HSD11B2: variants seen among roughly 807,000 people sequenced by gnomAD.
HSD11B2 encodes 11-beta-hydroxysteroid dehydrogenase type 2.
Under a neutral mutation model 20.9 loss-of-function variants are expected in HSD11B2, and 17 were observed. That is an observed-to-expected ratio of 0.81 (90% confidence interval 0.56 to 1.22). HSD11B2 has a LOEUF of 1.22. HSD11B2 is among the 50% of genes most tolerant of loss of function. The pLI is 0.00. For synonymous variants in HSD11B2, 253 were observed against 255.4 expected, an observed-to-expected ratio of 0.99 and a Z score of 0.09; for missense variants, 480 against 563.6, an observed-to-expected ratio of 0.85 and a Z score of 1.50.
Position 67,434,887 on chromosome 16 carries a change from C to T in HSD11B2, c.266-741C>T, listed in dbSNP as rs188730238. Among the ~76,000 whole-genome samples, 14 of 152,132 alleles carry T rather than the reference C, an allele frequency of 9.2e-5. No homozygotes were observed. In the East Asian group the frequency reaches 2.5e-3, roughly 27 times the overall value. ...ACTAAAAATACAAAACTTAGCCAGG[C>T]CTGTGGTGATGCGCACCTGTAGTCT... On this transcript the variant is annotated intron_variant, in intron 1 of 4. Coordinates refer to ENST00000326152, the MANE Select transcript of HSD11B2 (RefSeq NM_000196.4).
In HSD11B2 at chr16:67,436,858, T is replaced by C; in HGVS notation, c.1073T>C (p.Leu358Pro). 1 of 1,613,622 alleles carries C rather than the reference T, an allele frequency of 6.2e-7. No individual in the cohort carries two copies. Among genetic ancestry groups the C allele is most frequent in the Non-Finnish European group, 8.5e-7 (1 of 1,180,016 alleles). Reference sequence around the variant, plus strand: ...ATCCACTACTACCTGCCTGAAGGCCTGCGGCGCCGCTTCCTGCAGGCCTTC... The same window carrying C: ...ATCCACTACTACCTGCCTGAAGGCCCGCGGCGCCGCTTCCTGCAGGCCTTC... ...YFIHYYLPEG[L>P]RRRFLQAFFI... Residue 358 changes from leucine (L) to proline (P), a missense_variant, in exon 5 of 5, where the codon CTG becomes CCG. By Grantham distance (98) the Leu-to-Pro change is moderately conservative (BLOSUM62 -3). Around this residue, in one of 2 missense-constraint regions of HSD11B2, gnomAD observed 374 missense variants for 480.9 expected, o/e 0.78. Transcript: ENST00000326152. The surrounding 1 kb of genome is among the most constrained non-coding windows in gnomAD (Gnocchi z 5.7).
intron 1 of HSD11B2, 27 bp downstream of exon 1, chr16:67,431,540 G>C: frequency 7.4e-7 from 1 of 1,346,824 alleles, no homozygotes; most frequent in South Asian, 1.8e-5. Flanking sequence ...CGGAGCGCGG[G>C]GACTCCAGGC....
chr16:67,431,414 G>A lies in HSD11B2; in HGVS notation c.166G>A (p.Ala56Thr). 1 of 1,285,156 alleles carries A rather than the reference G, an allele frequency of 7.8e-7. No homozygotes were observed. Among genetic ancestry groups the A allele is most frequent in the Admixed American group, 3.9e-5 (1 of 25,644 alleles). The allele number at this position is 1,285,156 out of a possible 1,614,324, so 79.6% of individuals were successfully genotyped here. A position where few individuals can be genotyped will look rare whatever the true frequency, so the allele number is the denominator to read the frequency against. Residue 56 changes from alanine to threonine, a missense_variant, in exon 1 of 5, where the codon GCC becomes ACC. By Grantham distance (58) the Ala-to-Thr change is moderately conservative. Coordinates refer to ENST00000326152, the MANE Select transcript of HSD11B2 (RefSeq NM_000196.4). ...WLCQRLLPPP[A>T]ALAVLAAAGW... ...GTGCCAGCGCCTGCTGCCCCCGCCGGCCGCACTCGCCGTGCTGGCCGCCGC... is the reference window on the plus strand; with the variant it reads ...GTGCCAGCGCCTGCTGCCCCCGCCGACCGCACTCGCCGTGCTGGCCGCCGC...
chr16:67,431,659 G>A (rs1211790369), intron 1 of HSD11B2, 146 bp downstream of exon 1: 2 of 897,722 alleles, frequency 2.2e-6, no homozygotes, highest in East Asian at 7.6e-5. Context: ...TGCAGGGAGC[G>A]AGCCAAATAG....
rs921812237 is a variant in HSD11B2, at chr16:67,436,154, C to A, written c.664+12C>A. ...GGGGAGCCCAGCGGGTGAGTGCCCCCCCCCACTGGAGCAAAAAGGAGCCCC... is the reference window on the plus strand; with the variant it reads ...GGGGAGCCCAGCGGGTGAGTGCCCCACCCCACTGGAGCAAAAAGGAGCCCC... On this transcript the variant is annotated intron_variant, in intron 3 of 4. Coordinates refer to ENST00000326152, the MANE Select transcript of HSD11B2 (RefSeq NM_000196.4). This position sits in a 1 kb window ranked among gnomAD's most constrained non-coding sequence, Gnocchi z 5.7. 1.9e-6 allele frequency: 3 copies of A among 1,613,626 alleles called. No individual in the cohort carries two copies. The highest frequency in any genetic ancestry group is 2.2e-5 in the South Asian group (2 of 91,078).
At position 67,436,109 on chromosome 16, in the gene HSD11B2, AG is replaced by A. The variant is rs1420634382; in HGVS notation, c.635del (p.Gly212AlafsTer4). The A allele has an allele frequency of 1.2e-6, 2 of 1,613,952 alleles. No homozygotes were observed. Among genetic ancestry groups the A allele is most frequent in the Non-Finnish European group, 1.7e-6 (2 of 1,179,972 alleles). On this transcript the variant is annotated frameshift_variant, in exon 3 of 5. Transcript: ENST00000326152. LOFTEE classifies it high-confidence loss of function. This position sits in a 1 kb window ranked among gnomAD's most constrained non-coding sequence, Gnocchi z 5.7. ...CCTCCTGCCCCTGCTGCGCAGCTCAAGGGGCCGCATCGTGACTGTGGGGAGC... is the reference window on the plus strand; with the variant it reads ...CCTCCTGCCCCTGCTGCGCAGCTCAAGGGCCGCATCGTGACTGTGGGGAGC... ...KGLLPLLRSS[R>X]GRIVTVGSPA... is the part of the protein sequence containing the mutation.
At chr16:67,432,285 G>A (rs1346588250) in intron 1 of HSD11B2, among the ~76,000 whole-genome samples, 11 of 151,226 alleles carry the variant, frequency 7.3e-5, no homozygotes, top group African/African-American at 2.5e-4. Flanking sequence ...GAGGCCCGCC[G>A]GAAGTGGGGA....
At position 67,436,178 on chromosome 16, in the gene HSD11B2, C is replaced by T. The variant is rs2040970287; in HGVS notation, c.664+36C>T. On this transcript the variant is annotated intron_variant, in intron 3 of 4. Transcript: ENST00000326152. This position sits in a 1 kb window ranked among gnomAD's most constrained non-coding sequence, Gnocchi z 5.7. ...CCCCCCACTGGAGCAAAAAGGAGCC[C>T]CCTGGGGTGGGGGAGGGCTTAGGGA... 6.2e-7 allele frequency: 1 copy of T among 1,613,654 alleles called. No homozygotes were observed. The highest frequency in any genetic ancestry group is 1.7e-5 in the Admixed American group (1 of 60,002).
At chr16:67,431,564 TG>T in intron 1 of HSD11B2, 51 bp downstream of exon 1, 2 of 1,298,998 alleles carry the variant, frequency 1.5e-6, no homozygotes, top group Non-Finnish European at 9.8e-7. Context: ...AGGGCGGGAC[TG>T]GACACTCAAC....
At chr16:67,435,441 C>T in intron 1 of HSD11B2, 187 bp from the exon 2 acceptor site, 1 of 681,350 alleles carries the variant, frequency 1.5e-6, no homozygotes, top group Non-Finnish European at 2.7e-6. Context: ...CACAGAGTTA[C>T]TGCCCAGGGC....
In HSD11B2 at chr16:67,437,368, A is replaced by AC; in HGVS notation, c.*370dup. 1 of 351,678 alleles carries AC rather than the reference A, an allele frequency of 2.8e-6. No individual in the cohort carries two copies. The highest frequency in any genetic ancestry group is 5.3e-6 in the Non-Finnish European group (1 of 189,550). 21.8% of individuals were successfully genotyped at this position (351,678 alleles called of 1,614,324 possible). A position where few individuals can be genotyped will look rare whatever the true frequency, so the allele number is the denominator to read the frequency against. On this transcript the variant is annotated 3_prime_UTR_variant, in exon 5 of 5. Transcript: ENST00000326152. ...TAAGGAGTGACTAGGTGGGTTGGGG[A>AC]CCCCCTCAGGATTGTTTCTCGGCAC...
In HSD11B2 at chr16:67,436,583, C is replaced by T; in HGVS notation, c.803-5C>T. ...CCCACTCTGACCTTGCCACTCCTTC[C>T]CCAGAGTCAGTGAGAAACGTGGGTC... On this transcript the variant is annotated splice_polypyrimidine_tract_variant and splice_region_variant and intron_variant, in intron 4 of 4. Transcript: ENST00000326152. This position sits in a 1 kb window ranked among gnomAD's most constrained non-coding sequence, Gnocchi z 5.7. The T allele has an allele frequency of 2.5e-6, 4 of 1,614,042 alleles. No homozygotes were observed. The South Asian group carries it at 3.3e-5, about 13-fold the overall frequency.
In HSD11B2 at chr16:67,436,064, G is replaced by A. The variant is rs560632514; in HGVS notation, c.586G>A (p.Ala196Thr). ...RSCMEVNFFGALELTKGLLPL... is the reference protein window; with the variant it reads ...RSCMEVNFFGTLELTKGLLPL... ...CTGCATGGAGGTGAATTTCTTTGGC[G>A]CGCTCGAGCTGACCAAGGGCCTCCT... Residue 196 changes from alanine to threonine, a missense_variant, in exon 3 of 5, where the codon GCG becomes ACG. Around this residue, in one of 2 missense-constraint regions of HSD11B2, gnomAD observed 374 missense variants for 480.9 expected, o/e 0.78. Coordinates refer to ENST00000326152, the MANE Select transcript of HSD11B2 (RefSeq NM_000196.4). The surrounding 1 kb of genome is among the most constrained non-coding windows in gnomAD (Gnocchi z 5.7). The A allele has an allele frequency of 2.7e-5, 43 of 1,614,090 alleles. No individual in the cohort carries two copies. Among genetic ancestry groups the A allele is most frequent in the Middle Eastern group, 1.6e-4 (1 of 6,084 alleles).
At chr16:67,434,937 G>A (rs1015941265) in intron 1 of HSD11B2, among the ~76,000 whole-genome samples, 1 of 151,874 alleles carries the variant, frequency 6.6e-6, no homozygotes, top group Non-Finnish European at 1.5e-5. Flanking sequence ...GCTGAGGCAG[G>A]AGAATCGCTT....
rs560593769 is a variant in HSD11B2, at chr16:67,436,517, G to A, written c.803-71G>A. ...GTAGTTTTGGCTGCAGACCTGGCGC[G>A]GGTTAAACAGTCCTAATTGGCTTTG... On this transcript the variant is annotated intron_variant, in intron 4 of 4. Transcript: ENST00000326152. The surrounding 1 kb of genome is among the most constrained non-coding windows in gnomAD (Gnocchi z 5.7). 1.6e-5 allele frequency: 25 copies of A among 1,587,712 alleles called. No individual in the cohort carries two copies. In the South Asian group the frequency reaches 1.7e-4, roughly 11 times the overall value.
At chr16:67,435,042 A>G (rs1382234564) in intron 1 of HSD11B2, among the ~76,000 whole-genome samples, 3 of 151,506 alleles carry the variant, frequency 2.0e-5, no homozygotes, top group Non-Finnish European at 4.4e-5. Context: ...CAAAAAAAAA[A>G]AAAAAGAAAA....
In HSD11B2 at chr16:67,436,406, G is replaced by A. The variant is rs1462844516; in HGVS notation, c.802+20G>A. The stretch of plus-strand genomic sequence containing the variant: ...AGACAGGTGGGAATCAGGGCTGGGG[G>A]TGGGGTGGGGGTGGGGAATGGGGCT... On this transcript the variant is annotated intron_variant, in intron 4 of 4. Transcript: ENST00000326152. The surrounding 1 kb of genome is among the most constrained non-coding windows in gnomAD (Gnocchi z 5.7). The A allele has an allele frequency of 1.3e-6, 2 of 1,557,608 alleles. No homozygotes were observed. Among genetic ancestry groups the A allele is most frequent in the East Asian group, 2.3e-5 (1 of 43,858 alleles).
In HSD11B2 at chr16:67,436,412, TG is replaced by T. The variant is rs780748476; in HGVS notation, c.802+31del. 1.6e-5 allele frequency: 2 copies of T among 124,034 alleles called. No homozygotes were observed. The highest frequency in any genetic ancestry group is 1.8e-4 in the Admixed American group (1 of 5,540). The allele number at this position is 124,034 out of a possible 1,614,324, so 7.7% of individuals were successfully genotyped here. On this transcript the variant is annotated intron_variant, in intron 4 of 4. Coordinates refer to ENST00000326152, the MANE Select transcript of HSD11B2 (RefSeq NM_000196.4). The surrounding 1 kb of genome is among the most constrained non-coding windows in gnomAD (Gnocchi z 5.7). Reference sequence around the variant, plus strand: ...GTGGGAATCAGGGCTGGGGGTGGGGTGGGGGTGGGGAATGGGGCTGGGAATG... The same window carrying T: ...GTGGGAATCAGGGCTGGGGGTGGGGTGGGGTGGGGAATGGGGCTGGGAATG...
At chr16:67,434,794 C>T (rs1384865474) in intron 1 of HSD11B2, among the ~76,000 whole-genome samples, 1 of 152,036 alleles carries the variant, frequency 6.6e-6, no homozygotes, top group Non-Finnish European at 1.5e-5. Context: ...TTTGGGAGGC[C>T]GAGGCAGGCA....
Sources: allele counts gnomAD v4.1 joint callset (sites outside exome capture counted in the v4.1 genomes callset), GRCh38; gene constraint gnomAD v4.1.1; regional missense constraint gnomAD v4.1.1; non-coding constraint Gnocchi (gnomAD v3.1); transcripts MANE v1.5; gene names NCBI Gene and HGNC (gene_info 2026-07-23, HGNC 2026-07-21).